Variants in EPHA6 observed in about 807,000 individuals in gnomAD.
EPHA6 encodes ephrin type-A receptor 6.
EPHA6 carries 50 observed loss-of-function variants against 112.0 expected under a neutral mutation model. That is an observed-to-expected ratio of 0.45 (90% CI 0.36 to 0.56). The LOEUF (loss-of-function observed/expected upper bound fraction) is 0.56, where lower values mean the gene tolerates loss of function less well. Ranked by LOEUF, EPHA6 falls within the 20% of genes least tolerant of loss-of-function variation. EPHA6 has a pLI of 0.00. For missense variants in EPHA6, 1,280 were observed against 1,417.4 expected (o/e 0.90, Z 1.56); for synonymous variants, 529 against 490.7 (o/e 1.08, Z -1.03).
chr3:96,875,516 A>G (rs1409059353), intron 2 of EPHA6, among the ~76,000 whole-genome samples: 3 of 152,122 alleles, frequency 2.0e-5, no homozygotes, highest in African/African-American at 7.2e-5. Flanking sequence ...ATGAAATTCT[A>G]TGGTGAGGAA....
intron 2 of EPHA6, among the ~76,000 whole-genome samples, chr3:96,904,027 A>G (rs2038772882): frequency 6.6e-6 from 1 of 152,156 alleles, no homozygotes; most frequent in Admixed American, 6.5e-5. Context: ...AACTAGTTCA[A>G]CCATTGTGGA....
In EPHA6 at chr3:97,753,479, C is replaced by T. The variant is rs1428232798; in HGVS notation, c.*4778C>T. ...ACCCCTCTGGCGGAGGGGAAGCATACTTCCTGGGTTCTCTAAAACAGTTTC... is the reference window on the plus strand; with the variant it reads ...ACCCCTCTGGCGGAGGGGAAGCATATTTCCTGGGTTCTCTAAAACAGTTTC... On this transcript the variant is annotated 3_prime_UTR_variant, in exon 18 of 18. Transcript: ENST00000389672. Among the ~76,000 whole-genome samples the T allele has an allele frequency of 1.3e-5, 2 of 152,156 alleles. No individual in the cohort carries two copies. Among genetic ancestry groups the T allele is most frequent in the South Asian group, 4.1e-4 (2 of 4,822 alleles).
chr3:97,414,623 C>T (rs1479546312), intron 6 of EPHA6, among the ~76,000 whole-genome samples: 1 of 151,838 alleles, frequency 6.6e-6, no homozygotes, highest in Non-Finnish European at 1.5e-5. Context: ...CTTAGATTCT[C>T]AAATGAAAGG....
chr3:97,533,095 A>G (rs771997706), intron 11 of EPHA6, among the ~76,000 whole-genome samples: 27 of 152,030 alleles, frequency 1.8e-4, no homozygotes, highest in Non-Finnish European at 3.8e-4. Flanking sequence ...TCCTTTGAAA[A>G]GAAATGTTTT....
chr3:97,708,972 C>G (rs1330634645), intron 14 of EPHA6, among the ~76,000 whole-genome samples: 1 of 152,116 alleles, frequency 6.6e-6, no homozygotes, highest in African/African-American at 2.4e-5. Flanking sequence ...GATGTCCAGG[C>G]AGAAGTCTGT....
chr3:97,438,734 C>A (rs1016554250), intron 6 of EPHA6, among the ~76,000 whole-genome samples: 7 of 152,132 alleles, frequency 4.6e-5, no homozygotes, highest in Non-Finnish European at 7.4e-5. Context: ...AAATGCACCA[C>A]CCATTGATAG....
At position 97,705,953 on chromosome 3, in the gene EPHA6, G is replaced by C. The variant is rs16838881; in HGVS notation, c.2785-14308G>C. On this transcript the variant is annotated intron_variant, in intron 14 of 17. Coordinates refer to ENST00000389672, the MANE Select transcript of EPHA6 (RefSeq NM_001080448.3). ...TGATGTCCTCCAAGAGCCATCTGCT[G>C]TCCACAATGAACAAGGCTTCAGAAC... is the stretch of plus-strand genomic sequence containing the variant. 8.6e-3 allele frequency among the ~76,000 whole-genome samples: 1,310 copies of C among 152,272 alleles called. 33 individuals carry two copies. The East Asian group carries it at 0.092, about 11-fold the overall frequency.
chr3:97,314,828 A>G (rs1479970969), intron 5 of EPHA6, among the ~76,000 whole-genome samples: 1 of 151,700 alleles, frequency 6.6e-6, no homozygotes, highest in Admixed American at 6.6e-5. Context: ...GCCTAAACTT[A>G]TTGACACATA....
At chr3:97,526,523 A>T (rs1219523664) in intron 10 of EPHA6, among the ~76,000 whole-genome samples, 2 of 152,136 alleles carry the variant, frequency 1.3e-5, no homozygotes, top group African/African-American at 4.8e-5. Flanking sequence ...TGTGGTCAGG[A>T]TTGCTCATAG....
chr3:97,566,447 G>A (rs2093267989), intron 11 of EPHA6, among the ~76,000 whole-genome samples: 1 of 152,184 alleles, frequency 6.6e-6, no homozygotes, highest in Non-Finnish European at 1.5e-5. Flanking sequence ...TCTAAAGAAT[G>A]TTTCTGCTAA....
intron 14 of EPHA6, among the ~76,000 whole-genome samples, chr3:97,702,171 C>T (rs948427885): frequency 2.0e-5 from 3 of 152,176 alleles, no homozygotes; most frequent in Admixed American, 2.0e-4. Context: ...ACTCCCCTTT[C>T]ACTTACATGG....
At chr3:96,841,269 C>T (rs925533123) in intron 1 of EPHA6, among the ~76,000 whole-genome samples, 1 of 152,056 alleles carries the variant, frequency 6.6e-6, no homozygotes, top group African/African-American at 2.4e-5. Context: ...ATGAGGCAAT[C>T]AGATATGCAT....
chr3:96,984,291 G>A (rs1396497749), intron 2 of EPHA6, among the ~76,000 whole-genome samples: 1 of 152,160 alleles, frequency 6.6e-6, no homozygotes, highest in Admixed American at 6.5e-5. Flanking sequence ...CTCAGCTGCA[G>A]GTCTGTTGGA....
chr3:97,294,058 G>A (rs1484795399), intron 5 of EPHA6, among the ~76,000 whole-genome samples: 1 of 152,244 alleles, frequency 6.6e-6, no homozygotes, highest in Non-Finnish European at 1.5e-5. Flanking sequence ...GGAGGCCAGG[G>A]AGCAGGAGCT....
chr3:97,212,148 T>G (rs2077894176), intron 3 of EPHA6, among the ~76,000 whole-genome samples: 1 of 151,994 alleles, frequency 6.6e-6, no homozygotes, highest in South Asian at 2.1e-4. Context: ...CACAAAATAG[T>G]GAAACAAGAA....
chr3:97,001,506 T>G (rs902567897), intron 3 of EPHA6, among the ~76,000 whole-genome samples: 3 of 152,002 alleles, frequency 2.0e-5, no homozygotes, highest in Non-Finnish European at 4.4e-5. Context: ...TACTCAGTTT[T>G]TTCCTTCCTT....
chr3:97,392,920 T>A (rs547162407), intron 5 of EPHA6, among the ~76,000 whole-genome samples: 7 of 151,754 alleles, frequency 4.6e-5, no homozygotes, highest in African/African-American at 1.7e-4. Context: ...TATTCAAATA[T>A]ACCTAGGATA....
intron 11 of EPHA6, among the ~76,000 whole-genome samples, chr3:97,548,589 C>T (rs2092989698): frequency 6.6e-6 from 1 of 152,166 alleles, no homozygotes; most frequent in African/African-American, 2.4e-5. Context: ...TTCTTCTCTA[C>T]AGAAGAGCTC....
intron 5 of EPHA6, among the ~76,000 whole-genome samples, chr3:97,342,308 C>T (rs2108863309): frequency 6.6e-6 from 1 of 152,266 alleles, no homozygotes; most frequent in Non-Finnish European, 1.5e-5. Flanking sequence ...TTAAATTTTA[C>T]AGTGTGATGA....
Sources: gnomAD v4.1 joint callset for allele counts (sites outside exome capture counted in the v4.1 genomes callset) on GRCh38, gnomAD v4.1.1 for gene constraint, MANE v1.5 for transcripts, NCBI Gene and HGNC (gene_info 2026-07-23, HGNC 2026-07-21) for gene names.